The following NRG3 variants were observed in gnomAD, a reference collection of about 807,000 sequenced individuals.
The protein encoded by NRG3 is neuregulin 3.
NRG3 carries 31 observed loss-of-function variants against 66.9 expected under a neutral mutation model. The ratio of observed to expected loss-of-function variants is 0.46; its 90% CI spans 0.35 to 0.63. The LOEUF (loss-of-function observed/expected upper bound fraction) is 0.63. Among genes scored for constraint, NRG3 ranks in the 20% least tolerant of loss-of-function variants. The pLI, the probability that NRG3 is intolerant of heterozygous loss-of-function variation, is 0.00. For synonymous variants in NRG3, 393 were observed against 359.4 expected (o/e 1.09, Z -1.06); for missense variants, 910 against 878.9 (o/e 1.04, Z -0.45).
At chr10:81,902,372 T>C (rs549454867) in intron 1 of NRG3, among the ~76,000 whole-genome samples, 26 of 152,264 alleles carry the variant, frequency 1.7e-4, no homozygotes, top group African/African-American at 6.3e-4. Context: ...TGTGTTAAAA[T>C]CCTAACCCCA....
chr10:82,792,503 T>A (rs1432191998), intron 3 of NRG3, among the ~76,000 whole-genome samples: 1 of 152,174 alleles, frequency 6.6e-6, no homozygotes, highest in Non-Finnish European at 1.5e-5. Flanking sequence ...GAGCTTTTAA[T>A]CTATTCTTCA....
intron 2 of NRG3, among the ~76,000 whole-genome samples, chr10:82,388,844 A>G (rs2086176254): frequency 6.6e-6 from 1 of 152,172 alleles, no homozygotes; most frequent in South Asian, 2.1e-4. Context: ...AGCTCTCCAT[A>G]CCATCGGCAT....
rs555995159 is a variant in NRG3 at position 82,937,320 on chromosome 10, T to C, written c.1055-14149T>C. ...CTCATTTAATCTTCCAGTGACCCAG[T>C]AGGCAGATATTATGATCATCACCAC... is the stretch of plus-strand genomic sequence containing the variant. On this transcript the variant is annotated intron_variant, in intron 4 of 8. Coordinates refer to ENST00000372141, the MANE Select transcript of NRG3 (RefSeq NM_001010848.4). Among the ~76,000 whole-genome samples the C allele has an allele frequency of 2.1e-4, 32 of 152,310 alleles. No individual in the cohort carries two copies. The South Asian group carries it at 6.6e-3, about 32-fold the overall frequency.
chr10:82,465,265 C>G (rs778006889), intron 2 of NRG3, among the ~76,000 whole-genome samples: 1 of 152,176 alleles, frequency 6.6e-6, no homozygotes, highest in Non-Finnish European at 1.5e-5. Context: ...GTTGACTAAT[C>G]TGGTGTCAAA....
chr10:82,971,785 T>C (rs888415514), intron 6 of NRG3, among the ~76,000 whole-genome samples: 5 of 152,214 alleles, frequency 3.3e-5, no homozygotes, highest in Non-Finnish European at 7.3e-5. Flanking sequence ...GATAAAAATT[T>C]ATGAATATTT....
intron 1 of NRG3, among the ~76,000 whole-genome samples, chr10:82,224,810 A>G (rs1234634665): frequency 6.6e-6 from 1 of 152,174 alleles, no homozygotes; most frequent in African/African-American, 2.4e-5. Flanking sequence ...TCATAAGCAC[A>G]GTAAAAATCA....
chr10:82,157,439 T>C (rs1474292103), intron 1 of NRG3, among the ~76,000 whole-genome samples: 2 of 151,784 alleles, frequency 1.3e-5, no homozygotes, highest in Non-Finnish European at 3.0e-5. Context: ...CCTGAGATTT[T>C]ATTTTTCTTA....
chr10:82,788,590 A>G (rs954684979), intron 3 of NRG3, among the ~76,000 whole-genome samples: 6 of 152,120 alleles, frequency 3.9e-5, no homozygotes, highest in Non-Finnish European at 7.4e-5. Flanking sequence ...AAAAATGAAG[A>G]AAAAATAATG....
intron 2 of NRG3, among the ~76,000 whole-genome samples, chr10:82,646,628 T>G (rs908743547): frequency 3.3e-5 from 5 of 152,192 alleles, no homozygotes; most frequent in African/African-American, 1.2e-4. Context: ...TTTATTCATA[T>G]AATAACTATT....
At chr10:82,538,874 G>C (rs914274340) in intron 2 of NRG3, among the ~76,000 whole-genome samples, 2 of 152,098 alleles carry the variant, frequency 1.3e-5, no homozygotes, top group Admixed American at 1.3e-4. Flanking sequence ...TGGGAAGAAG[G>C]ATCACCAAAC....
chr10:82,626,373 A>C lies in NRG3; in HGVS notation c.954-112204A>C, dbSNP rs1360273709. ...CCCTGGGCTTAATGGAGATCTCAGTACACCCTGGGGAAAGGTGAGGCCCAA... is the reference window on the plus strand; with the variant it reads ...CCCTGGGCTTAATGGAGATCTCAGTCCACCCTGGGGAAAGGTGAGGCCCAA... On this transcript the variant is annotated intron_variant, in intron 2 of 8. Coordinates refer to ENST00000372141, the MANE Select transcript of NRG3 (RefSeq NM_001010848.4). Among the ~76,000 whole-genome samples, 10 of 152,228 alleles carry C rather than the reference A, an allele frequency of 6.6e-5. No individual in the cohort carries two copies. In the East Asian group the frequency reaches 1.9e-3, roughly 29 times the overall value.
At chr10:82,370,339 C>A (rs1396089618) in intron 2 of NRG3, among the ~76,000 whole-genome samples, 1 of 137,762 alleles carries the variant, frequency 7.3e-6, no homozygotes, top group Non-Finnish European at 1.5e-5. Context: ...AGTGGCCAGC[C>A]TCCTCCAGTC....
At chr10:82,386,985 A>C (rs1438790851) in intron 2 of NRG3, among the ~76,000 whole-genome samples, 2 of 152,010 alleles carry the variant, frequency 1.3e-5, no homozygotes, top group Non-Finnish European at 2.9e-5. Flanking sequence ...TTTTTAGTAG[A>C]TATGGGATCT....
chr10:82,001,355 T>C (rs2061159824), intron 1 of NRG3, among the ~76,000 whole-genome samples: 1 of 151,940 alleles, frequency 6.6e-6, no homozygotes, highest in African/African-American at 2.4e-5. Flanking sequence ...ATATAAAAAT[T>C]AGCTGGGTTT....
chr10:82,900,813 TA>T, intron 4 of NRG3, among the ~76,000 whole-genome samples: 1 of 152,336 alleles, frequency 6.6e-6, no homozygotes, highest in Admixed American at 6.5e-5. Flanking sequence ...TTTATTATGA[TA>T]AAACTCTGTG....
At chr10:82,954,644 T>G (rs1178738430) in intron 5 of NRG3, among the ~76,000 whole-genome samples, 1 of 151,934 alleles carries the variant, frequency 6.6e-6, no homozygotes, top group East Asian at 1.9e-4. Context: ...TATATGTTCC[T>G]CATTAGAGGC....
At chr10:82,633,017 A>C (rs1305720449) in intron 2 of NRG3, among the ~76,000 whole-genome samples, 1 of 151,940 alleles carries the variant, frequency 6.6e-6, no homozygotes, top group Non-Finnish European at 1.5e-5. Flanking sequence ...TGACCTTTTC[A>C]CTCTGCCATT....
intron 4 of NRG3, among the ~76,000 whole-genome samples, chr10:82,927,377 G>C (rs562876655): frequency 9.9e-5 from 15 of 151,990 alleles, no homozygotes; most frequent in Non-Finnish European, 1.9e-4. Context: ...TTTACTTTAA[G>C]TTCTGGGATA....
intron 1 of NRG3, among the ~76,000 whole-genome samples, chr10:81,891,368 G>A (rs1346533375): frequency 6.6e-6 from 1 of 152,196 alleles, no homozygotes; most frequent in Non-Finnish European, 1.5e-5. Flanking sequence ...GCAATGTGCT[G>A]TTGGCAATAT....
Sources: allele counts gnomAD v4.1 joint callset (sites outside exome capture counted in the v4.1 genomes callset), GRCh38; gene constraint gnomAD v4.1.1; transcripts MANE v1.5; gene names NCBI Gene and HGNC (gene_info 2026-07-23, HGNC 2026-07-21).